KRTCAP2: variants seen among roughly 807,000 people sequenced by gnomAD.
KRTCAP2 encodes the protein keratinocyte associated protein 2.
In KRTCAP2, 10 loss-of-function variants were observed where a neutral mutation model predicts 16.5. The observed-to-expected ratio is 0.60, with a 90% CI of 0.37 to 1.02. The LOEUF is 1.02. Ranked by LOEUF, KRTCAP2 falls within the 50% of genes least tolerant of loss-of-function variation. The pLI is 0.01. For synonymous variants in KRTCAP2, 68 were observed against 69.8 expected (o/e 0.97, Z 0.13); for missense variants, 152 against 159.6 (o/e 0.95, Z 0.26).
In KRTCAP2 at chr1:155,171,535, C is replaced by T. The variant is rs142697167; in HGVS notation, c.223+1030G>A. 1.2e-3 allele frequency: 1,201 copies of T among 984,978 alleles called. 7 individuals are homozygous for T. In the African/African-American group the frequency reaches 0.019, roughly 16 times the overall value. The allele number at this position is 984,978 out of a possible 1,614,324, so 61.0% of individuals were successfully genotyped here. ...CTCTGAAGCCTGCAAAAGGGCTATG[C>T]GGAGAAAGCAAGTCCTAGAGGGGGG... On this transcript the variant is annotated intron_variant, in intron 3 of 4. Transcript: ENST00000295682.
chr1:155,172,116 G>C, intron 3 of KRTCAP2: 1 of 1,005,358 alleles, frequency 9.9e-7, no homozygotes, highest in Non-Finnish European at 1.2e-6. Flanking sequence ...ATTTGGTCAG[G>C]ATTCCTGCTG....
chr1:155,171,693 AC>A (rs1334916345), intron 3 of KRTCAP2: 3 of 626,902 alleles, frequency 4.8e-6, no homozygotes, highest in African/African-American at 4.0e-5. Context: ...CCCCATCTCT[AC>A]AAAAACTTAA....
chr1:155,172,953 G>A, intron 1 of KRTCAP2, 61 bp from the exon 2 acceptor site: 1 of 1,573,918 alleles, frequency 6.4e-7, no homozygotes, highest in Non-Finnish European at 8.7e-7. Context: ...GCAAGCTACG[G>A]GCAGATCAGC....
In KRTCAP2 at chr1:155,169,783, G is replaced by T. The variant is rs750483247; in HGVS notation, c.290+8C>A. On this transcript the variant is annotated splice_region_variant and intron_variant, in intron 4 of 4. Transcript: ENST00000295682. ...GCTACACCCCTTACCCAGCTGTCAA[G>T]AACATACCAGGTGGTGACACAGACT... is the stretch of plus-strand genomic sequence containing the variant. 2 of 1,589,966 alleles carry T rather than the reference G, an allele frequency of 1.3e-6. No individual in the cohort carries two copies. The highest frequency in any genetic ancestry group is 1.7e-4 in the Middle Eastern group (1 of 6,036).
In KRTCAP2 at chr1:155,170,367, T is replaced by C. The variant is rs1665203573; in HGVS notation, c.224-510A>G. On this transcript the variant is annotated intron_variant, in intron 3 of 4. Coordinates refer to ENST00000295682, the MANE Select transcript of KRTCAP2 (RefSeq NM_173852.4). Reference sequence around the variant, plus strand: ...AAAAAAAAAAAAAAAAAAAAGAACATGGATGTAGATGTATGCTTTTTTTTA... The same window carrying C: ...AAAAAAAAAAAAAAAAAAAAGAACACGGATGTAGATGTATGCTTTTTTTTA... The C allele has an allele frequency of 2.1e-5, 3 of 140,980 alleles. No homozygotes were observed. The Admixed American group carries it at 2.1e-4, about 10-fold the overall frequency. 8.7% of individuals were successfully genotyped at this position (140,980 alleles called of 1,614,324 possible).
chr1:155,170,332 C>A (rs1665201225), intron 3 of KRTCAP2: 1 of 138,346 alleles, frequency 7.2e-6, no homozygotes, highest in African/African-American at 2.7e-5. Flanking sequence ...AGAGTGAGAC[C>A]CCGTCTCCAA....
Position 155,169,865 on chromosome 1 carries a change from G to T in KRTCAP2, c.224-8C>A, listed in dbSNP as rs770149642. 17 of 1,578,664 alleles carry T rather than the reference G, an allele frequency of 1.1e-5. No homozygotes were observed. In the Admixed American group the frequency reaches 3.1e-4, roughly 29 times the overall value. The stretch of plus-strand genomic sequence containing the variant: ...ACAGGAGGCACAGGAGAACTAGGGA[G>T]GCAAGAAGAACAAGGAGGGCAACGG... On this transcript the variant is annotated splice_polypyrimidine_tract_variant and splice_region_variant and intron_variant, in intron 3 of 4. Coordinates refer to ENST00000295682, the MANE Select transcript of KRTCAP2 (RefSeq NM_173852.4).
chr1:155,172,355 G>C, intron 3 of KRTCAP2: 1 of 1,416,068 alleles, frequency 7.1e-7, no homozygotes, highest in Non-Finnish European at 9.2e-7. Context: ...AGGTACCAAA[G>C]TTTCTTGCTT....
chr1:155,169,704 G>T, intron 4 of KRTCAP2, 87 bp downstream of exon 4: 1 of 1,372,608 alleles, frequency 7.3e-7, no homozygotes, highest in Non-Finnish European at 1.0e-6. Context: ...AGGTAGGTGT[G>T]GAAGGAAAAA....
intron 3 of KRTCAP2, 180 bp downstream of exon 3, chr1:155,172,385 G>C: frequency 6.9e-7 from 1 of 1,445,172 alleles, no homozygotes; most frequent in Non-Finnish European, 9.1e-7. Context: ...TTCTCTTCCA[G>C]CTCCAACTCC....
intron 3 of KRTCAP2, chr1:155,170,568 G>C (rs1419503945): frequency 6.6e-6 from 1 of 152,294 alleles, no homozygotes; most frequent in Non-Finnish European, 1.5e-5. Flanking sequence ...ATTAAGCTGG[G>C]TGACCAGTGG....
chr1:155,172,553 A>G lies in KRTCAP2; in HGVS notation c.223+12T>C. ...AGAAAGTTCAAATACTCAAGCTCCA[A>G]TATTCACTTACTCTCAGGGAAGATC... On this transcript the variant is annotated intron_variant, in intron 3 of 4. Transcript: ENST00000295682. The G allele has an allele frequency of 1.2e-6, 2 of 1,614,234 alleles. No individual in the cohort carries two copies. The highest frequency in any genetic ancestry group is 1.7e-6 in the Non-Finnish European group (2 of 1,180,050).
intron 1 of KRTCAP2, 151 bp from the exon 2 acceptor site, chr1:155,173,043 C>T: frequency 1.0e-6 from 1 of 978,372 alleles, no homozygotes; most frequent in Non-Finnish European, 1.6e-6. Context: ...CCACACCGCG[C>T]GGCAACCCCT....
chr1:155,170,987 T>G (rs1665222162), intron 3 of KRTCAP2: 1 of 152,224 alleles, frequency 6.6e-6, no homozygotes, highest in Admixed American at 6.5e-5. Flanking sequence ...TTTTGTATTT[T>G]TTTGGAGAGA....
intron 3 of KRTCAP2, 50 bp from the exon 4 acceptor site, chr1:155,169,907 AG>A (rs1272688669): frequency 8.1e-7 from 1 of 1,235,534 alleles, no homozygotes; most frequent in African/African-American, 1.5e-5. Flanking sequence ...TGGAAATACT[AG>A]GCATCTGCAC....
intron 4 of KRTCAP2, 57 bp from the exon 5 acceptor site, chr1:155,169,617 C>A (rs893765213): frequency 7.6e-6 from 12 of 1,585,832 alleles, no homozygotes; most frequent in Non-Finnish European, 9.5e-6. Flanking sequence ...AGCCTGGTGC[C>A]TCCTAGGGAA....
At chr1:155,172,515 G>C (rs775128727) in intron 3 of KRTCAP2, 50 bp downstream of exon 3, 10 of 1,613,900 alleles carry the variant, frequency 6.2e-6, no homozygotes, top group Non-Finnish European at 7.6e-6. Context: ...CATGTTTCAG[G>C]AGGTTAAAGA....
At chr1:155,172,688 G>T (rs1461819249) in intron 2 of KRTCAP2, 50 bp downstream of exon 2, 3 of 1,614,158 alleles carry the variant, frequency 1.9e-6, no homozygotes, top group Non-Finnish European at 2.5e-6. Context: ...TGGGGAAGGG[G>T]AAGGGCACAT....
chr1:155,173,233 GC>G lies in KRTCAP2; in HGVS notation c.-10del, dbSNP rs779217122. On this transcript the variant is annotated 5_prime_UTR_variant, in exon 1 of 5. Coordinates refer to ENST00000295682, the MANE Select transcript of KRTCAP2 (RefSeq NM_173852.4). ...CCGGTCCTGTTACCCATCATGCCCCGCCCGTGAGTCCAACCGGCGCCTCTGG... is the reference window on the plus strand; with the variant it reads ...CCGGTCCTGTTACCCATCATGCCCCGCCGTGAGTCCAACCGGCGCCTCTGG... 9 of 1,613,822 alleles carry G rather than the reference GC, an allele frequency of 5.6e-6. No homozygotes were observed. The highest frequency in any genetic ancestry group is 7.6e-6 in the Non-Finnish European group (9 of 1,179,962).
Sources: allele counts gnomAD v4.1 joint callset, GRCh38; gene constraint gnomAD v4.1.1; transcripts MANE v1.5; gene names NCBI Gene and HGNC (gene_info 2026-07-23, HGNC 2026-07-21).